Variants in FNIP1 observed in about 807,000 individuals in gnomAD.
FNIP1 encodes the protein folliculin interacting protein 1.
A neutral mutation model predicts 124.5 loss-of-function variants in FNIP1; 40 were observed. That is an observed-to-expected ratio of 0.32 (90% CI 0.25 to 0.42). The LOEUF is 0.42. FNIP1 is among the 10% of genes least tolerant of loss of function. The probability of loss-of-function intolerance (pLI) is 1.00; values close to 1 mark genes in which losing one functional copy is unlikely to be tolerated. For synonymous variants in FNIP1, 472 were observed against 470.6 expected (o/e 1.00, Z -0.04); for missense variants, 1,176 against 1,403.7 (o/e 0.84, Z 2.59).
At chr5:131,782,128 T>A (rs1021067919) in intron 1 of FNIP1, among the ~76,000 whole-genome samples, 2 of 151,966 alleles carry the variant, frequency 1.3e-5, no homozygotes, top group African/African-American at 4.8e-5. Context: ...CATTCCAGCC[T>A]AGGCGACATG....
At chr5:131,668,805 T>G (rs1392720352) in intron 15 of FNIP1, among the ~76,000 whole-genome samples, 1 of 152,218 alleles carries the variant, frequency 6.6e-6, no homozygotes, top group South Asian at 2.1e-4. Context: ...CAGAAGCATA[T>G]AAATGAATGA....
chr5:131,679,988 T>C (rs1417634040), intron 11 of FNIP1, among the ~76,000 whole-genome samples: 2 of 152,248 alleles, frequency 1.3e-5, no homozygotes, highest in Non-Finnish European at 2.9e-5. Flanking sequence ...AACTACAGAA[T>C]GGTGTCCTAC....
chr5:131,725,726 A>G (rs569934623), intron 3 of FNIP1, among the ~76,000 whole-genome samples: 108 of 152,262 alleles, frequency 7.1e-4, no homozygotes, highest in Middle Eastern at 3.4e-3. Flanking sequence ...AGAACTTCCA[A>G]TACTATGTTG....
At chr5:131,699,989 CT>C (rs202023474) in intron 10 of FNIP1, among the ~76,000 whole-genome samples, 432 of 124,350 alleles carry the variant, frequency 3.5e-3, no homozygotes, top group Admixed American at 5.6e-3. Context: ...GTAATATTTG[CT>C]TTTTTTTTTT....
intron 3 of FNIP1, among the ~76,000 whole-genome samples, chr5:131,722,060 TAGG>T (rs1769684608): frequency 1.3e-5 from 2 of 152,166 alleles, no homozygotes; most frequent in African/African-American, 4.8e-5. Flanking sequence ...CACTTGAAGA[TAGG>T]AGATTTAGAA....
At chr5:131,753,773 T>C (rs1437199438) in intron 1 of FNIP1, among the ~76,000 whole-genome samples, 2 of 152,122 alleles carry the variant, frequency 1.3e-5, no homozygotes, top group Non-Finnish European at 2.9e-5. Context: ...AGTAATACTA[T>C]ATTCATCAAG....
At chr5:131,690,881 CAAG>C (rs906904519) in intron 11 of FNIP1, among the ~76,000 whole-genome samples, 2 of 152,106 alleles carry the variant, frequency 1.3e-5, no homozygotes, top group African/African-American at 4.8e-5. Context: ...AACAGAGCTG[CAAG>C]AAGAAATAAA....
intron 9 of FNIP1, among the ~76,000 whole-genome samples, chr5:131,705,752 C>A (rs1329613462): frequency 6.6e-6 from 1 of 152,032 alleles, no homozygotes; most frequent in Non-Finnish European, 1.5e-5. Flanking sequence ...GGATATATAA[C>A]CAAAAGTATT....
At chr5:131,676,163 C>A (rs946916235) in intron 13 of FNIP1, among the ~76,000 whole-genome samples, 1 of 152,032 alleles carries the variant, frequency 6.6e-6, no homozygotes. Context: ...CTGGCGCCCA[C>A]CACCACGCCC....
At chr5:131,655,937 C>CAA (rs531712939) in intron 15 of FNIP1, among the ~76,000 whole-genome samples, 10 of 131,828 alleles carry the variant, frequency 7.6e-5, no homozygotes, top group Non-Finnish European at 1.4e-4. Context: ...CAAAACAAAA[C>CAA]AAAACAAAAA....
chr5:131,728,676 A>C (rs1008662055), intron 3 of FNIP1, among the ~76,000 whole-genome samples: 2 of 152,018 alleles, frequency 1.3e-5, no homozygotes, highest in African/African-American at 2.4e-5. Flanking sequence ...TCTGAAGCCT[A>C]CTTCTGTCAA....
At chr5:131,752,498 TG>T (rs1770907751) in intron 1 of FNIP1, among the ~76,000 whole-genome samples, 1 of 149,414 alleles carries the variant, frequency 6.7e-6, no homozygotes, top group African/African-American at 2.5e-5. Flanking sequence ...AATAAAAAAT[TG>T]GTAAGTTGGA....
At chr5:131,771,798 T>C (rs764118637) in intron 1 of FNIP1, among the ~76,000 whole-genome samples, 14 of 152,178 alleles carry the variant, frequency 9.2e-5, no homozygotes, top group Non-Finnish European at 1.3e-4. Flanking sequence ...AGTTTTACGT[T>C]ACTGTCACAT....
intron 3 of FNIP1, among the ~76,000 whole-genome samples, chr5:131,727,024 G>T (rs920124319): frequency 6.6e-6 from 1 of 152,112 alleles, no homozygotes; most frequent in African/African-American, 2.4e-5. Context: ...TGTTTGTTAT[G>T]ATTTCCATTC....
At chr5:131,718,190 A>G (rs1187459763) in intron 5 of FNIP1, among the ~76,000 whole-genome samples, 2 of 139,384 alleles carry the variant, frequency 1.4e-5, no homozygotes, top group Admixed American at 7.1e-5. Flanking sequence ...CTCCATCTCG[A>G]AAAAAAAAAA....
chr5:131,773,235 C>T (rs1051023204), intron 1 of FNIP1, among the ~76,000 whole-genome samples: 5 of 152,158 alleles, frequency 3.3e-5, no homozygotes, highest in African/African-American at 9.7e-5. Context: ...TAATAACTAA[C>T]TGTTTAATGT....
chr5:131,668,477 G>C (rs1767663390), intron 15 of FNIP1, among the ~76,000 whole-genome samples: 1 of 152,162 alleles, frequency 6.6e-6, no homozygotes, highest in African/African-American at 2.4e-5. Flanking sequence ...CCTGAGGTCG[G>C]AGTTCCAGAC....
chr5:131,744,523 G>A, intron 2 of FNIP1, 41 bp downstream of exon 2: 3 of 1,559,374 alleles, frequency 1.9e-6, no homozygotes, highest in Non-Finnish European at 2.6e-6. Context: ...TTATCAAAAT[G>A]TTCAACATTA....
chr5:131,710,022 G>A (rs1769236732), intron 7 of FNIP1, among the ~76,000 whole-genome samples: 1 of 152,150 alleles, frequency 6.6e-6, no homozygotes, highest in Non-Finnish European at 1.5e-5. Flanking sequence ...ATATACACAT[G>A]AACATACTCT....
Sources: gnomAD v4.1 joint callset for allele counts (sites outside exome capture counted in the v4.1 genomes callset) on GRCh38, gnomAD v4.1.1 for gene constraint, MANE v1.5 for transcripts, NCBI Gene and HGNC (gene_info 2026-07-23, HGNC 2026-07-21) for gene names.